CD36: variants seen among roughly 807,000 people sequenced by gnomAD.
CD36 encodes CD36 molecule (CD36 blood group).
CD36 carries 119 observed loss-of-function variants against 55.2 expected under a neutral mutation model. The ratio of observed to expected loss-of-function variants is 2.15; its 90% confidence interval spans 1.86 to 2.51. The LOEUF is 2.51. Among genes scored for constraint, CD36 ranks in the 30% most tolerant of loss-of-function variants. CD36 has a pLI of 0.00. For missense variants in CD36, 819 were observed against 555.5 expected (o/e 1.47, Z -4.77); for synonymous variants, 186 against 193.6 (o/e 0.96, Z 0.33).
chr7:80,671,926 A>AC lies in CD36; in HGVS notation c.1013dup (p.Val339CysfsTer14). The AC allele has an allele frequency of 6.2e-7, 1 of 1,611,152 alleles. No individual in the cohort carries two copies. Among genetic ancestry groups the AC allele is most frequent in the East Asian group, 2.2e-5 (1 of 44,662 alleles). The stretch of plus-strand genomic sequence containing the variant: ...ACTCTTAAAACTTGTCTTCAGGGAG[A>AC]CCTGTGTACATTTCACTTCCTCATT... On this transcript the variant is annotated frameshift_variant, in exon 11 of 15. Coordinates refer to ENST00000447544, the MANE Select transcript of CD36 (RefSeq NM_001001548.3). LOFTEE classifies it high-confidence loss of function.
chr7:80,674,644 T>C (rs1798079995), intron 14 of CD36, among the ~76,000 whole-genome samples: 1 of 152,014 alleles, frequency 6.6e-6, no homozygotes, highest in Non-Finnish European at 1.5e-5. Context: ...CTCAGAGTGG[T>C]GTACAAGAGT....
intron 8 of CD36, among the ~76,000 whole-genome samples, chr7:80,668,845 C>T (rs1797375675): frequency 6.6e-6 from 1 of 152,184 alleles, no homozygotes; most frequent in Non-Finnish European, 1.5e-5. Flanking sequence ...CCATTTAAAA[C>T]TCATTCAATG....
chr7:80,660,085 G>A (rs999021319), intron 4 of CD36, among the ~76,000 whole-genome samples: 1 of 152,026 alleles, frequency 6.6e-6, no homozygotes, highest in African/African-American at 2.4e-5. Context: ...CAGTCCAATT[G>A]CTTAAGTCTT....
chr7:80,633,843 A>G (rs1436316387), upstream of CD36, among the ~76,000 whole-genome samples: 1 of 152,082 alleles, frequency 6.6e-6, no homozygotes, highest in Non-Finnish European at 1.5e-5. Flanking sequence ...AACTAATGTT[A>G]TGAGATAGTT....
chr7:80,631,734 A>C (rs1222739453), intron 1 of CD36, among the ~76,000 whole-genome samples: 2 of 151,748 alleles, frequency 1.3e-5, no homozygotes, highest in African/African-American at 4.8e-5. Context: ...GAATATACTC[A>C]TGTAAACATG....
intron 1 of CD36, among the ~76,000 whole-genome samples, chr7:80,602,592 A>G (rs1194180): frequency 0.075 from 11,423 of 152,138 alleles, 996 homozygotes; most frequent in African/African-American, 0.21. Context: ...AACCTCACAT[A>G]TCCACAAGTC....
chr7:80,635,300 G>C (rs1443468007), upstream of CD36, among the ~76,000 whole-genome samples: 2 of 152,110 alleles, frequency 1.3e-5, no homozygotes, highest in Admixed American at 6.6e-5. Flanking sequence ...TTGAGACAGA[G>C]TCTCACTCTA....
chr7:80,636,507 A>T (rs1794414229), upstream of CD36, among the ~76,000 whole-genome samples: 1 of 144,544 alleles, frequency 6.9e-6, no homozygotes, highest in Admixed American at 7.3e-5. Context: ...CATCCTTCCA[A>T]TTTCTAACCC....
At chr7:80,665,048 T>G (rs3211911) in intron 7 of CD36, among the ~76,000 whole-genome samples, 1,699 of 152,252 alleles carry the variant, frequency 0.011, 35 homozygotes, top group African/African-American at 0.038. Context: ...ATTTTCCATA[T>G]TGATAACTCA....
intron 1 of CD36, among the ~76,000 whole-genome samples, chr7:80,630,529 T>A (rs1051887738): frequency 3.9e-5 from 6 of 152,080 alleles, no homozygotes; most frequent in African/African-American, 1.4e-4. Context: ...AAGCTTATTA[T>A]AAAAATCAAT....
intron 1 of CD36, among the ~76,000 whole-genome samples, chr7:80,611,333 C>A (rs773511906): frequency 6.6e-6 from 1 of 152,074 alleles, no homozygotes; most frequent in Non-Finnish European, 1.5e-5. Context: ...ATCGTCGTCC[C>A]GTGTCATTTT....
In CD36 at chr7:80,664,384, T is replaced by A. The variant is rs1034699431; in HGVS notation, c.610-22T>A. ...GAAAAAATGACTTGTAGAAGTAACA[T>A]TTTCCCATACATATATTTCAGTACA... is the stretch of plus-strand genomic sequence containing the variant. On this transcript the variant is annotated intron_variant, in intron 6 of 14. Coordinates refer to ENST00000447544, the MANE Select transcript of CD36 (RefSeq NM_001001548.3). 2.4e-6 allele frequency: 3 copies of A among 1,270,820 alleles called. No individual in the cohort carries two copies. The African/African-American group carries it at 4.4e-5, about 19-fold the overall frequency. The allele number at this position is 1,270,820 out of a possible 1,614,324, so 78.7% of individuals were successfully genotyped here.
chr7:80,620,316 C>T lies in CD36; in HGVS notation c.-184+17937C>T, dbSNP rs142908465. ...TGCCCCCTTCTTTCAACACTAGTCA[C>T]AAGTCCAAGTCTCCAGGACTACCGA... On this transcript the variant is annotated intron_variant, in intron 1 of 13. Coordinates refer to the CD36 transcript ENST00000309881. 5.7e-3 allele frequency among the ~76,000 whole-genome samples: 870 copies of T among 152,250 alleles called. 10 individuals are homozygous for T. The highest frequency in any genetic ancestry group is 0.02 in the African/African-American group (811 of 41,538).
chr7:80,673,897 TTAGAAAAAAGGGTGA>T, intron 13 of CD36, 71 bp from the exon 14 acceptor site: 1 of 967,702 alleles, frequency 1.0e-6, no homozygotes, highest in South Asian at 1.4e-5. Flanking sequence ...AATAGAGGTG[TTAGAAAAAAGGGTGA>T]TAGGCAATTG....
chr7:80,674,494 G>A (rs3211957), intron 14 of CD36: 63 of 259,710 alleles, frequency 2.4e-4, no homozygotes, highest in African/African-American at 1.3e-3. Flanking sequence ...ACTAGGAAAT[G>A]GTTTCATAAG....
At position 80,661,051 on chromosome 7, in the gene CD36, C is replaced by T. The variant is rs1000465011; in HGVS notation, c.282-12C>T. 1.8e-5 allele frequency: 28 copies of T among 1,598,848 alleles called. No individual in the cohort carries two copies. In the African/African-American group the frequency reaches 2.4e-4, roughly 14 times the overall value. ...CAAATGTTTTGAATTTTGTTTACTG[C>T]TATTTCTTTAGAGTTCGTTTTCTAG... On this transcript the variant is annotated splice_polypyrimidine_tract_variant and intron_variant, in intron 4 of 14. Coordinates refer to ENST00000447544, the MANE Select transcript of CD36 (RefSeq NM_001001548.3).
intron 3 of CD36, among the ~76,000 whole-genome samples, chr7:80,655,077 T>C (rs1477420721): frequency 2.6e-5 from 4 of 152,160 alleles, no homozygotes; most frequent in African/African-American, 9.7e-5. Flanking sequence ...TCTGTCATTC[T>C]GTGAAGTGGT....
intron 6 of CD36, among the ~76,000 whole-genome samples, chr7:80,663,952 T>A (rs1006096200): frequency 2.6e-5 from 4 of 152,170 alleles, no homozygotes; most frequent in Non-Finnish European, 4.4e-5. Context: ...AACTCAATAC[T>A]CATAGCTCTT....
Position 80,669,952 on chromosome 7 carries a change from G to A in CD36, c.749-1G>A, listed in dbSNP as rs1299907214. The stretch of plus-strand genomic sequence containing the variant: ...TCATTTGCCACTCGATTTTTAAACA[G>A]ATGCAGCCTCATTTCCACCTTTTGT... On this transcript the variant is annotated splice_acceptor_variant, in intron 8 of 14. Transcript: ENST00000447544. LOFTEE classifies it high-confidence loss of function. 3 of 1,609,920 alleles carry A rather than the reference G, an allele frequency of 1.9e-6. No homozygotes were observed. The South Asian group carries it at 3.3e-5, about 18-fold the overall frequency.
Sources: gnomAD v4.1 joint callset for allele counts (sites outside exome capture counted in the v4.1 genomes callset) on GRCh38, gnomAD v4.1.1 for gene constraint, MANE v1.5 for transcripts, NCBI Gene and HGNC (gene_info 2026-07-23, HGNC 2026-07-21) for gene names.